The following PNPLA3 variants were observed in gnomAD, a reference collection of about 807,000 sequenced individuals.
PNPLA3 encodes patatin like domain 3, 1-acylglycerol-3-phosphate O-acyltransferase.
Under a neutral mutation model 43.1 loss-of-function variants are expected in PNPLA3, and 42 were observed. The observed-to-expected ratio is 0.97, with a 90% CI of 0.76 to 1.26. The LOEUF (loss-of-function observed/expected upper bound fraction) is 1.26. Among genes scored for constraint, PNPLA3 ranks in the 50% most tolerant of loss-of-function variants. The pLI is 0.00. For synonymous variants in PNPLA3, 272 were observed against 253.6 expected, an observed-to-expected ratio of 1.07 and a Z score of -0.69; for missense variants, 647 against 621.4, an observed-to-expected ratio of 1.04 and a Z score of -0.44.
rs993971795 is a variant in PNPLA3 at position 43,946,333 on chromosome 22, C to T, written c.1397C>T (p.Ala466Val). Reference sequence around the variant, plus strand: ...TTGGGCAATAAAGTACCTGCTGGTGCTGAGGGGCTCTCCACCTTTCCCAGT... The same window carrying T: ...TTGGGCAATAAAGTACCTGCTGGTGTTGAGGGGCTCTCCACCTTTCCCAGT... The part of the protein sequence containing the change: ...FFLGNKVPAG[A>V]EGLSTFPSFS... Residue 466 changes from alanine (A) to valine (V), a missense_variant, in exon 9 of 9, where the codon GCT becomes GTT. Physicochemically the swap from Ala to Val is moderately conservative, Grantham distance 64 (BLOSUM62 0). Transcript: ENST00000216180. 3 of 1,614,196 alleles carry T rather than the reference C, an allele frequency of 1.9e-6. No homozygotes were observed.
rs140909509 is a variant in PNPLA3, at chr22:43,946,389, TGAG to T, written c.*12_*14del. 1,704 of 1,612,076 alleles carry T rather than the reference TGAG, an allele frequency of 1.1e-3. 10 individuals are homozygous for T. In the African/African-American group the frequency reaches 0.02, roughly 19 times the overall value. ...ACTAGAGAAGAGTCTGTGAGTCACT[TGAG>T]GAGGCGAGTCTAGCAGATTCTTTCA... is the stretch of plus-strand genomic sequence containing the variant. On this transcript the variant is annotated 3_prime_UTR_variant, in exon 9 of 9. Transcript: ENST00000216180.
At chr22:43,930,430 G>A (rs1159110597) in intron 3 of PNPLA3, among the ~76,000 whole-genome samples, 1 of 152,198 alleles carries the variant, frequency 6.6e-6, no homozygotes, top group Non-Finnish European at 1.5e-5. Flanking sequence ...TTCCGACATT[G>A]CCACAGCATG....
intron 7 of PNPLA3, 113 bp downstream of exon 7, chr22:43,940,238 C>A: frequency 8.0e-7 from 1 of 1,251,306 alleles, no homozygotes; most frequent in Non-Finnish European, 1.1e-6. Context: ...TGCCACAGAT[C>A]ACAGCTCACA....
chr22:43,931,531 T>C (rs1400540635), intron 3 of PNPLA3, among the ~76,000 whole-genome samples: 30 of 152,158 alleles, frequency 2.0e-4, no homozygotes, highest in Admixed American at 2.0e-3. Flanking sequence ...TGTTTGTTTT[T>C]TGAGACAGAG....
rs2049929262 is a variant in PNPLA3, at chr22:43,927,175, G to A, written c.420+8G>A. The A allele has an allele frequency of 2.5e-6, 4 of 1,611,846 alleles. No individual in the cohort carries two copies. The highest frequency in any genetic ancestry group is 3.4e-6 in the Non-Finnish European group (4 of 1,178,034). On this transcript the variant is annotated splice_region_variant and intron_variant, in intron 2 of 8. Transcript: ENST00000216180. Reference sequence around the variant, plus strand: ...AAAGACGAAGTCGTGGATGTAAGCAGTTTGCTTATCTGGACGTTGTCAAGT... The same window carrying A: ...AAAGACGAAGTCGTGGATGTAAGCAATTTGCTTATCTGGACGTTGTCAAGT...
chr22:43,935,497 C>T (rs2049989416), intron 5 of PNPLA3, among the ~76,000 whole-genome samples: 1 of 151,886 alleles, frequency 6.6e-6, no homozygotes, highest in African/African-American at 2.4e-5. Context: ...ATGCTGGAGG[C>T]TCATGCAGGA....
chr22:43,927,018 A>T lies in PNPLA3; in HGVS notation c.271A>T (p.Ser91Cys). 1 of 1,614,240 alleles carries T rather than the reference A, an allele frequency of 6.2e-7. No homozygotes were observed. Among genetic ancestry groups the T allele is most frequent in the Non-Finnish European group, 8.5e-7 (1 of 1,180,048 alleles). ...CATCTTCCATCCATCCTTCAACTTA[A>T]GCAAGTTCCTCCGACAGGGTCTCTG... ...IGIFHPSFNL[S>C]KFLRQGLCKC... Residue 91 changes from serine (S) to cysteine (C), a missense_variant, in exon 2 of 9, where the codon AGC becomes TGC. By Grantham distance (112) the Ser-to-Cys change is moderately radical. Coordinates refer to ENST00000216180, the MANE Select transcript of PNPLA3 (RefSeq NM_025225.3).
intron 7 of PNPLA3, among the ~76,000 whole-genome samples, chr22:43,942,182 C>A (rs1185814061): frequency 6.6e-6 from 1 of 152,216 alleles, no homozygotes; most frequent in African/African-American, 2.4e-5. Context: ...TCCTGCCCCA[C>A]TTCCATCTGG....
At chr22:43,935,983 T>C (rs1229788862) in intron 5 of PNPLA3, among the ~76,000 whole-genome samples, 1 of 151,862 alleles carries the variant, frequency 6.6e-6, no homozygotes, top group East Asian at 1.9e-4. Context: ...AGGAAACCAA[T>C]TTGAAGGAGT....
In PNPLA3 at chr22:43,924,068, T is replaced by G. The variant is rs933882319; in HGVS notation, c.157T>G (p.Cys53Gly). The G allele has an allele frequency of 8.9e-6, 14 of 1,570,936 alleles. No homozygotes were observed. The highest frequency in any genetic ancestry group is 1.2e-5 in the Non-Finnish European group (14 of 1,168,154). Residue 53 changes from cysteine (C) to glycine (G), a missense_variant, in exon 1 of 9, where the codon TGC becomes GGC. Physicochemically the swap from Cys to Gly is radical, Grantham distance 159 (BLOSUM62 -3). Coordinates refer to ENST00000216180, the MANE Select transcript of PNPLA3 (RefSeq NM_025225.3). Reference protein sequence around the residue: ...LFGASAGALHCVGVLSGIPLE... With the variant: ...LFGASAGALHGVGVLSGIPLE... Reference sequence around the variant, plus strand: ...CGGCGCTTCGGCCGGGGCGTTGCACTGCGTCGGCGTCCTCTCCGGTATCCC... The same window carrying G: ...CGGCGCTTCGGCCGGGGCGTTGCACGGCGTCGGCGTCCTCTCCGGTATCCC...
In PNPLA3 at chr22:43,946,661, G is replaced by A. The variant is rs1022354157; in HGVS notation, c.*279G>A. 4 of 645,184 alleles carry A rather than the reference G, an allele frequency of 6.2e-6. No individual in the cohort carries two copies. The highest frequency in any genetic ancestry group is 5.5e-5 in the South Asian group (4 of 72,554). 40.0% of individuals were successfully genotyped at this position (645,184 alleles called of 1,614,324 possible). A position where few individuals can be genotyped will look rare whatever the true frequency, so the allele number is the denominator to read the frequency against. ...AGGGTCCCTTACTGACTGTTTCGTG[G>A]CCCTATTAATGGTCAGACTGTTCCA... On this transcript the variant is annotated 3_prime_UTR_variant, in exon 9 of 9. Transcript: ENST00000216180.
intron 1 of PNPLA3, 28 bp downstream of exon 1, chr22:43,924,126 C>T (rs1019502146): frequency 6.6e-7 from 1 of 1,504,828 alleles, no homozygotes; most frequent in Non-Finnish European, 8.8e-7. Flanking sequence ...GCCCGGGCTC[C>T]ACGTGCGGAG....
chr22:43,924,661 T>C (rs955145860), intron 1 of PNPLA3, among the ~76,000 whole-genome samples: 1 of 151,380 alleles, frequency 6.6e-6, no homozygotes, highest in African/African-American at 2.4e-5. Flanking sequence ...TCTTTTTTTT[T>C]TTTTGAGACG....
At chr22:43,930,999 C>T (rs901852990) in intron 3 of PNPLA3, among the ~76,000 whole-genome samples, 2 of 152,158 alleles carry the variant, frequency 1.3e-5, no homozygotes, top group East Asian at 1.9e-4. Context: ...TGGTGGCGGG[C>T]GCCTGTAGTC....
Position 43,946,464 on chromosome 22 carries a change from G to C in PNPLA3, c.*82G>C. 1 of 1,321,302 alleles carries C rather than the reference G, an allele frequency of 7.6e-7. No individual in the cohort carries two copies. The highest frequency in any genetic ancestry group is 1.1e-6 in the Non-Finnish European group (1 of 920,382). The allele number at this position is 1,321,302 out of a possible 1,614,324, so 81.8% of individuals were successfully genotyped here. A position where few individuals can be genotyped will look rare whatever the true frequency, so the allele number is the denominator to read the frequency against. On this transcript the variant is annotated 3_prime_UTR_variant, in exon 9 of 9. Coordinates refer to ENST00000216180, the MANE Select transcript of PNPLA3 (RefSeq NM_025225.3). ...TTTGTGCAGCTACCTCCGCATTGCT[G>C]TGTAGTGACCCCTGCCTGTGACGTG...
chr22:43,929,599 CT>C (rs201016637), intron 3 of PNPLA3, among the ~76,000 whole-genome samples: 21,276 of 128,378 alleles, frequency 0.17, 1,804 homozygotes, highest in East Asian at 0.34. Context: ...TTTTTCTTTT[CT>C]TTTTTTTTTT....
At chr22:43,941,038 C>T (rs1238974384) in intron 7 of PNPLA3, among the ~76,000 whole-genome samples, 2 of 150,504 alleles carry the variant, frequency 1.3e-5, no homozygotes, top group African/African-American at 2.4e-5. Context: ...ACTCCGGAGG[C>T]TAAGGCAGGA....
Position 43,940,112 on chromosome 22 carries a change from G to A in PNPLA3, c.1099G>A (p.Ala367Thr). ...TACCCTGCCTGTGGAATCTGCCATT[G>A]CGATTGTCCAGAGGTGAGCATTTTA... Reference protein sequence around the residue: ...PCTLPVESAIAIVQRLVTWLP... With the variant: ...PCTLPVESAITIVQRLVTWLP... Residue 367 changes from alanine to threonine, a missense_variant, in exon 7 of 9, where the codon GCG (alanine) becomes ACG (threonine). Coordinates refer to ENST00000216180, the MANE Select transcript of PNPLA3 (RefSeq NM_025225.3). The A allele has an allele frequency of 6.2e-7, 1 of 1,614,172 alleles. No homozygotes were observed.
At chr22:43,944,602 T>A (rs2050051194) in intron 7 of PNPLA3, 89 bp from the exon 8 acceptor site, 1 of 1,022,070 alleles carries the variant, frequency 9.8e-7, no homozygotes. Context: ...TTGGAGGTGA[T>A]GTTGGCAGCT....
Sources: gnomAD v4.1 joint callset for allele counts (sites outside exome capture counted in the v4.1 genomes callset) on GRCh38, gnomAD v4.1.1 for gene constraint, MANE v1.5 for transcripts, NCBI Gene and HGNC (gene_info 2026-07-23, HGNC 2026-07-21) for gene names.